CD47: variants seen among roughly 807,000 people sequenced by gnomAD.
The protein encoded by CD47 is leukocyte surface antigen CD47.
Under a neutral mutation model 44.6 loss-of-function variants are expected in CD47, and 11 were observed. The ratio of observed to expected loss-of-function variants is 0.25; its 90% CI spans 0.16 to 0.41. The LOEUF (loss-of-function observed/expected upper bound fraction) is 0.41, where lower values mean the gene tolerates loss of function less well. Among genes scored for constraint, CD47 ranks in the 10% least tolerant of loss-of-function variants. The pLI is 1.00. For synonymous variants in CD47, 140 were observed against 136.3 expected (o/e 1.03, Z -0.19); for missense variants, 306 against 386.7 (o/e 0.79, Z 1.75).
intron 1 of CD47, 62 bp from the exon 2 acceptor site, chr3:108,080,406 C>A: frequency 1.2e-6 from 1 of 828,850 alleles, no homozygotes; most frequent in South Asian, 1.8e-5. Context: ...AGATCTTAGG[C>A]ATGTTACAAA....
rs933307759 is a variant in CD47, at chr3:108,043,692, T to A, written c.*3596A>T. ...TGCTCCATTTAATAAAAACAAAATG[T>A]TTTCTTCTCTCACCAGTCATGATAA... On this transcript the variant is annotated 3_prime_UTR_variant, in exon 11 of 11. Coordinates refer to ENST00000361309, the MANE Select transcript of CD47 (RefSeq NM_001777.4). 6.6e-6 allele frequency: 1 copy of A among 152,664 alleles called. No individual in the cohort carries two copies. Among genetic ancestry groups the A allele is most frequent in the African/African-American group, 2.4e-5 (1 of 41,462 alleles). The allele number at this position is 152,664 out of a possible 1,614,324, so 9.5% of individuals were successfully genotyped here.
intron 1 of CD47, among the ~76,000 whole-genome samples, chr3:108,087,095 G>A (rs1189871391): frequency 6.6e-6 from 1 of 152,134 alleles, no homozygotes; most frequent in Non-Finnish European, 1.5e-5. Context: ...CAGGAATGGA[G>A]TAAGAAGTCT....
chr3:108,071,276 G>A (rs935273633), intron 2 of CD47, 94 bp from the exon 3 acceptor site: 4 of 568,388 alleles, frequency 7.0e-6, no homozygotes, highest in African/African-American at 3.9e-5. Flanking sequence ...TTATAGAGAT[G>A]GAAAAAAATT....
intron 1 of CD47, among the ~76,000 whole-genome samples, chr3:108,081,737 C>G (rs2079422759): frequency 6.6e-6 from 1 of 151,918 alleles, no homozygotes; most frequent in Non-Finnish European, 1.5e-5. Context: ...TGAGCATTAA[C>G]ATGGAAAACA....
At chr3:108,049,453 A>G (rs2078784403) in intron 10 of CD47, among the ~76,000 whole-genome samples, 166 bp downstream of exon 10, 1 of 152,164 alleles carries the variant, frequency 6.6e-6, no homozygotes, top group South Asian at 2.1e-4. Flanking sequence ...TAGTTTTGCA[A>G]TTTTTAGCAA....
chr3:108,058,204 C>T (rs3762679), intron 6 of CD47, 133 bp downstream of exon 6: 1 of 503,022 alleles, frequency 2.0e-6, no homozygotes, highest in African/African-American at 2.0e-5. Context: ...TCAATTTTGC[C>T]ATGAACCAAA....
rs1197463445 is a variant in CD47, at chr3:108,043,161, A to T, written c.*4127T>A. On this transcript the variant is annotated 3_prime_UTR_variant, in exon 11 of 11. Coordinates refer to ENST00000361309, the MANE Select transcript of CD47 (RefSeq NM_001777.4). ...AGCTTATTGGGTATTATACTCAAAAAATTCATAATTAATATTTTAAATCAT... is the reference window on the plus strand; with the variant it reads ...AGCTTATTGGGTATTATACTCAAAATATTCATAATTAATATTTTAAATCAT... The T allele has an allele frequency of 6.6e-6, 1 of 152,632 alleles. No individual in the cohort carries two copies. Among genetic ancestry groups the T allele is most frequent in the Admixed American group, 6.5e-5 (1 of 15,284 alleles). The allele number at this position is 152,632 out of a possible 1,614,324, so 9.5% of individuals were successfully genotyped here.
chr3:108,048,574 CG>C (rs1170061534), intron 10 of CD47, among the ~76,000 whole-genome samples: 5 of 151,870 alleles, frequency 3.3e-5, no homozygotes, highest in African/African-American at 9.7e-5. Context: ...TTAGTAGAGA[CG>C]GGGTTTCACC....
At position 108,044,194 on chromosome 3, in the gene CD47, A is replaced by G. The variant is rs2078675638; in HGVS notation, c.*3094T>C. 6.6e-6 allele frequency: 1 copy of G among 152,632 alleles called. No individual in the cohort carries two copies. Among genetic ancestry groups the G allele is most frequent in the Admixed American group, 6.5e-5 (1 of 15,288 alleles). 9.5% of individuals were successfully genotyped at this position (152,632 alleles called of 1,614,324 possible). A position where few individuals can be genotyped will look rare whatever the true frequency, so the allele number is the denominator to read the frequency against. ...AGCTTAATTTTTATTACTGAGATGG[A>G]GGAGTAAACTTATCGTGTTTTGAGC... On this transcript the variant is annotated 3_prime_UTR_variant, in exon 11 of 11. Transcript: ENST00000361309.
At chr3:108,051,293 G>C (rs2078823268) in intron 8 of CD47, among the ~76,000 whole-genome samples, 1 of 152,024 alleles carries the variant, frequency 6.6e-6, no homozygotes, top group East Asian at 1.9e-4. Flanking sequence ...TACCTCTTGG[G>C]CCTGTCACTG....
intron 7 of CD47, chr3:108,055,631 T>C: frequency 1.3e-5 from 12 of 897,446 alleles, no homozygotes; most frequent in Non-Finnish European, 1.9e-5. Context: ...TAGGACACTA[T>C]CAATAAAATT....
intron 10 of CD47, among the ~76,000 whole-genome samples, chr3:108,048,062 A>T (rs1191857467): frequency 1.4e-5 from 2 of 146,464 alleles, no homozygotes; most frequent in Admixed American, 6.9e-5. Context: ...CATAGAAATT[A>T]AAAAAAAAAA....
intron 3 of CD47, among the ~76,000 whole-genome samples, chr3:108,065,402 G>A (rs2079085918): frequency 6.6e-6 from 1 of 152,142 alleles, no homozygotes; most frequent in African/African-American, 2.4e-5. Flanking sequence ...CTATAGATTT[G>A]TTCAATTCCT....
Position 108,080,267 on chromosome 3 carries a change from A to C in CD47, c.124T>G (p.Phe42Val), listed in dbSNP as rs1343468860. 1.9e-6 allele frequency: 3 copies of C among 1,612,502 alleles called. No homozygotes were observed. Among genetic ancestry groups the C allele is most frequent in the Non-Finnish European group, 1.7e-6 (2 of 1,178,784 alleles). The change falls in exon 2 of 11, where the codon TTT becomes GTT. Residue 42 changes from phenylalanine (F) to valine (V), a missense_variant. This residue lies in a region of CD47 where 25 missense variants were observed against 52.7 expected (regional missense o/e 0.47). Transcript: ENST00000361309. Reference sequence around the variant, plus strand: ...TTTTGTGCCTCCATATTAGTAACAAAGCATGGAATGACGACAGTGTCATTA... The same window carrying C: ...TTTTGTGCCTCCATATTAGTAACAACGCATGGAATGACGACAGTGTCATTA... ...FCNDTVVIPC[F>V]VTNMEAQNTT...
chr3:108,051,620 A>G (rs1395010238), intron 8 of CD47: 4 of 475,008 alleles, frequency 8.4e-6, no homozygotes, highest in Non-Finnish European at 8.3e-6. Context: ...AATGAATCCA[A>G]CAGGTGAGGT....
chr3:108,074,427 T>A (rs2079267681), intron 2 of CD47, among the ~76,000 whole-genome samples: 2 of 151,918 alleles, frequency 1.3e-5, no homozygotes, highest in South Asian at 4.2e-4. Context: ...AATTCTCCTG[T>A]CTCAGCCTCC....
chr3:108,048,706 T>C (rs1383366921), intron 10 of CD47, among the ~76,000 whole-genome samples: 6 of 152,122 alleles, frequency 3.9e-5, no homozygotes, highest in African/African-American at 1.2e-4. Context: ...TTTAATCTTA[T>C]GCAAATATTA....
intron 1 of CD47, 151 bp downstream of exon 1, chr3:108,090,712 C>A: frequency 1.8e-6 from 1 of 557,946 alleles, no homozygotes. Context: ...GTGGGGCCCT[C>A]CCACGTCTGC....
At chr3:108,064,646 C>T (rs138238146) in intron 3 of CD47, among the ~76,000 whole-genome samples, 3 of 152,190 alleles carry the variant, frequency 2.0e-5, no homozygotes, top group Non-Finnish European at 4.4e-5. Flanking sequence ...GCAGTCCATC[C>T]AACAAAACCC....
Sources: gnomAD v4.1 joint callset for allele counts (sites outside exome capture counted in the v4.1 genomes callset) on GRCh38, gnomAD v4.1.1 for gene constraint, gnomAD v4.1.1 regional missense constraint, MANE v1.5 for transcripts, NCBI Gene and HGNC (gene_info 2026-07-23, HGNC 2026-07-21) for gene names.